Variants in CADPS2 observed in about 807,000 individuals in gnomAD.
CADPS2 encodes the protein calcium dependent secretion activator 2.
Under a neutral mutation model 172.5 loss-of-function variants are expected in CADPS2, and 93 were observed. The observed-to-expected ratio is 0.54, with a 90% CI of 0.46 to 0.64. CADPS2 has a LOEUF of 0.64. Ranked by LOEUF, CADPS2 falls within the 30% of genes least tolerant of loss-of-function variation. The pLI, the probability that CADPS2 is intolerant of heterozygous loss-of-function variation, is 0.00. For missense variants in CADPS2, 1,420 were observed against 1,565.9 expected, an observed-to-expected ratio of 0.91 and a Z score of 1.57; for synonymous variants, 546 against 555.2, an observed-to-expected ratio of 0.98 and a Z score of 0.23.
At chr7:122,846,545 A>G (rs1812034904) in intron 1 of CADPS2, among the ~76,000 whole-genome samples, 1 of 152,228 alleles carries the variant, frequency 6.6e-6, no homozygotes, top group Non-Finnish European at 1.5e-5. Context: ...ATTCAGCATT[A>G]AAATTAATAT....
intron 1 of CADPS2, among the ~76,000 whole-genome samples, chr7:122,796,793 C>A (rs1196730439): frequency 6.6e-6 from 1 of 151,428 alleles, no homozygotes; most frequent in Non-Finnish European, 1.5e-5. Flanking sequence ...AATACCATTC[C>A]GGAAAGAGCA....
At position 122,742,198 on chromosome 7, in the gene CADPS2, G is replaced by A. The variant is rs183139085; in HGVS notation, c.340-5130C>T. ...CTGAGGTCAGGAGTTCGAGACCAGCGTGGCCAACGTGGTGAAACCCCGTCT... is the reference window on the plus strand; with the variant it reads ...CTGAGGTCAGGAGTTCGAGACCAGCATGGCCAACGTGGTGAAACCCCGTCT... On this transcript the variant is annotated intron_variant, in intron 1 of 29. Transcript: ENST00000449022. Among the ~76,000 whole-genome samples the A allele has an allele frequency of 1.5e-4, 22 of 151,502 alleles. No individual in the cohort carries two copies. The East Asian group carries it at 3.7e-3, about 25-fold the overall frequency.
chr7:122,682,355 C>T (rs2083147569), intron 2 of CADPS2, among the ~76,000 whole-genome samples: 1 of 152,162 alleles, frequency 6.6e-6, no homozygotes, highest in Non-Finnish European at 1.5e-5. Flanking sequence ...GCTTTCCACG[C>T]CATATTTTCA....
chr7:122,467,860 T>C (rs911962034), intron 14 of CADPS2, among the ~76,000 whole-genome samples: 2 of 152,198 alleles, frequency 1.3e-5, no homozygotes, highest in Non-Finnish European at 2.9e-5. Context: ...AGCGGCACTA[T>C]GGCTGAATGA....
At chr7:122,528,391 T>C (rs1563604951) in intron 8 of CADPS2, among the ~76,000 whole-genome samples, 1 of 152,050 alleles carries the variant, frequency 6.6e-6, no homozygotes, top group Non-Finnish European at 1.5e-5. Context: ...TTCTAAAGAG[T>C]ACCTGTATTA....
chr7:122,539,777 TTCTG>T (rs2062727409), intron 8 of CADPS2, among the ~76,000 whole-genome samples: 2 of 94,092 alleles, frequency 2.1e-5, no homozygotes, highest in Non-Finnish European at 4.4e-5. Context: ...GTCTCTCTCT[TTCTG>T]TTTCTCTCCA....
At chr7:122,836,381 A>T (rs1808419666) in intron 1 of CADPS2, among the ~76,000 whole-genome samples, 1 of 152,182 alleles carries the variant, frequency 6.6e-6, no homozygotes, top group Non-Finnish European at 1.5e-5. Flanking sequence ...CTAACAAGCA[A>T]AATAGCCAGC....
intron 2 of CADPS2, chr7:122,702,552 G>A (rs1210013629): frequency 1.2e-6 from 2 of 1,613,392 alleles, no homozygotes; most frequent in African/African-American, 1.3e-5. Flanking sequence ...CTTTCCAGAG[G>A]AGAATGATTC....
At chr7:122,349,517 ATC>A (rs2151016336) in intron 27 of CADPS2, among the ~76,000 whole-genome samples, 1 of 152,310 alleles carries the variant, frequency 6.6e-6, no homozygotes, top group East Asian at 1.9e-4. Context: ...AAATAATAGA[ATC>A]TGTCTAGCAA....
At chr7:122,460,551 G>C (rs1055759731) in intron 14 of CADPS2, among the ~76,000 whole-genome samples, 3 of 151,674 alleles carry the variant, frequency 2.0e-5, no homozygotes, top group Admixed American at 6.6e-5. Context: ...TCAGAGCCCA[G>C]GACTTTTAAG....
chr7:122,790,078 T>A, intron 1 of CADPS2, among the ~76,000 whole-genome samples: 1 of 143,030 alleles, frequency 7.0e-6, no homozygotes. Flanking sequence ...TGTATCAAAG[T>A]TTGCAAAGAT....
intron 7 of CADPS2, among the ~76,000 whole-genome samples, chr7:122,559,596 C>CTCG (rs1187981533): frequency 1.3e-5 from 2 of 151,750 alleles, no homozygotes; most frequent in African/African-American, 4.8e-5. Flanking sequence ...ATAGTGAAAC[C>CTCG]TCGTCTCTAC....
intron 2 of CADPS2, among the ~76,000 whole-genome samples, chr7:122,699,614 GC>G (rs1401104215): frequency 2.6e-5 from 4 of 152,074 alleles, no homozygotes; most frequent in Non-Finnish European, 4.4e-5. Flanking sequence ...GAAGTTTGTG[GC>G]TTTTGTTTTA....
chr7:122,573,663 T>C (rs138718063), intron 7 of CADPS2, among the ~76,000 whole-genome samples: 2,512 of 152,292 alleles, frequency 0.016, 30 homozygotes, highest in Admixed American at 0.028. Context: ...ATGTACTTTG[T>C]ACTCAAGAAT....
At chr7:122,707,896 A>C (rs2087854709) in intron 2 of CADPS2, among the ~76,000 whole-genome samples, 1 of 151,734 alleles carries the variant, frequency 6.6e-6, no homozygotes, top group African/African-American at 2.4e-5. Context: ...TAACAAAACT[A>C]GTTTATATAA....
intron 6 of CADPS2, among the ~76,000 whole-genome samples, chr7:122,607,375 T>C (rs1049063804): frequency 2.0e-4 from 30 of 152,160 alleles, no homozygotes; most frequent in Non-Finnish European, 3.2e-4. Flanking sequence ...GATTGTGCTG[T>C]GGTAAGAATT....
At chr7:122,332,586 T>C (rs894945544) in intron 28 of CADPS2, among the ~76,000 whole-genome samples, 1 of 152,288 alleles carries the variant, frequency 6.6e-6, no homozygotes, top group East Asian at 1.9e-4. Flanking sequence ...TGGTATAAAA[T>C]AGGCACCTAA....
At position 122,640,490 on chromosome 7, in the gene CADPS2, C is replaced by CAG. The variant is rs200620103; in HGVS notation, c.787-11164_787-11163dup. 2.1e-3 allele frequency among the ~76,000 whole-genome samples: 301 copies of CAG among 146,088 alleles called. 2 individuals carry two copies. The highest frequency in any genetic ancestry group is 6.1e-3 in the African/African-American group (239 of 39,272). On this transcript the variant is annotated intron_variant, in intron 3 of 29. Transcript: ENST00000449022. ...ACATATACACACACACACACACACA[C>CAG]AGAGATAGAGAGAGAGAGAGAGAAA...
chr7:122,840,653 C>T (rs1416939458), intron 1 of CADPS2, among the ~76,000 whole-genome samples: 1 of 151,586 alleles, frequency 6.6e-6, no homozygotes, highest in Non-Finnish European at 1.5e-5. Context: ...TGGTGGTATG[C>T]ACCTGTAGTC....
Sources: gnomAD v4.1 joint callset for allele counts (sites outside exome capture counted in the v4.1 genomes callset) on GRCh38, gnomAD v4.1.1 for gene constraint, MANE v1.5 for transcripts, NCBI Gene and HGNC (gene_info 2026-07-23, HGNC 2026-07-21) for gene names.